Variants in NOP58 observed in about 807,000 individuals in gnomAD.
NOP58 encodes the protein NOP58 ribonucleoprotein, also known as nucleolar protein 58.
NOP58 carries 44 observed loss-of-function variants against 71.2 expected under a neutral mutation model. The ratio of observed to expected loss-of-function variants is 0.62; its 90% CI spans 0.49 to 0.79. The LOEUF is 0.79. NOP58 is among the 30% of genes least tolerant of loss of function. NOP58 has a pLI of 0.00. For synonymous variants in NOP58, 228 were observed against 200.3 expected (o/e 1.14, Z -1.17); for missense variants, 538 against 620.2 (o/e 0.87, Z 1.41).
intron 6 of NOP58, among the ~76,000 whole-genome samples, chr2:202,289,230 T>A (rs934700755): frequency 6.6e-6 from 1 of 152,214 alleles, no homozygotes; most frequent in Non-Finnish European, 1.5e-5. Context: ...ATAACAGTGT[T>A]ATTTACAAAA....
At chr2:202,287,357 C>T (rs1000136804) in intron 5 of NOP58, among the ~76,000 whole-genome samples, 27 of 152,036 alleles carry the variant, frequency 1.8e-4, no homozygotes, top group African/African-American at 6.0e-4. Flanking sequence ...TGAGCCACCA[C>T]GCCCAGTCCA....
chr2:202,302,829 T>C, intron 13 of NOP58, 92 bp from the exon 14 acceptor site: 2 of 1,489,834 alleles, frequency 1.3e-6, no homozygotes, highest in Non-Finnish European at 1.8e-6. Flanking sequence ...TTGATGAGAA[T>C]GACAGAAAAA....
At chr2:202,270,320 C>T (rs990908692) in intron 1 of NOP58, among the ~76,000 whole-genome samples, 2 of 152,120 alleles carry the variant, frequency 1.3e-5, no homozygotes, top group African/African-American at 4.8e-5. Flanking sequence ...TGAAGCTAAC[C>T]GAAGAGCTTT....
At chr2:202,283,671 C>T (rs13012978) in intron 4 of NOP58, among the ~76,000 whole-genome samples, 2,510 of 150,772 alleles carry the variant, frequency 0.017, 30 homozygotes, top group Non-Finnish European at 0.027. Flanking sequence ...GATCTATTGA[C>T]CTTGTGATCC....
chr2:202,285,958 G>T (rs1688778096), intron 5 of NOP58, among the ~76,000 whole-genome samples: 2 of 151,910 alleles, frequency 1.3e-5, no homozygotes, highest in Admixed American at 1.3e-4. Context: ...ACTTTGGGAG[G>T]CCAAGGCAGG....
chr2:202,292,196 G>A (rs1688914612), intron 8 of NOP58, among the ~76,000 whole-genome samples: 1 of 150,554 alleles, frequency 6.6e-6, no homozygotes, highest in African/African-American at 2.4e-5. Context: ...GTTTCACCAT[G>A]TTGGCCAGGA....
intron 10 of NOP58, among the ~76,000 whole-genome samples, chr2:202,296,410 C>T (rs1249919758): frequency 2.0e-5 from 3 of 152,108 alleles, no homozygotes; most frequent in African/African-American, 4.8e-5. Flanking sequence ...ACCATGTTGG[C>T]CAGGCTGGTC....
intron 8 of NOP58, chr2:202,291,530 G>A (rs192083908): frequency 4.0e-6 from 1 of 251,282 alleles, no homozygotes; most frequent in Admixed American, 5.2e-5. Context: ...GAGAAGGCCA[G>A]GCGCGTTGGC....
At chr2:202,292,649 G>A (rs1407936666) in intron 8 of NOP58, 128 bp from the exon 9 acceptor site, 8 of 697,316 alleles carry the variant, frequency 1.1e-5, no homozygotes, top group Non-Finnish European at 7.4e-6. Context: ...TTAGGCATAG[G>A]TGATGTACCC....
At chr2:202,297,723 TAAC>T in intron 11 of NOP58, 119 bp from the exon 12 acceptor site, 1 of 817,288 alleles carries the variant, frequency 1.2e-6, no homozygotes, top group Non-Finnish European at 1.9e-6. Context: ...CTATTCAAAA[TAAC>T]AAAACAAAAA....
Position 202,303,507 on chromosome 2 carries a change from A to T in NOP58, c.*71A>T. 2 of 1,548,680 alleles carry T rather than the reference A, an allele frequency of 1.3e-6. No individual in the cohort carries two copies. The highest frequency in any genetic ancestry group is 1.7e-6 in the Non-Finnish European group (2 of 1,146,104). On this transcript the variant is annotated 3_prime_UTR_variant, in exon 15 of 15. Transcript: ENST00000264279. ...AGATTCAACTGGGAGCATACCAGGG[A>T]TGCTCTCTAACGTAATCAAGGGAAG...
chr2:202,266,061 G>C (rs949879423), intron 1 of NOP58, 75 bp downstream of exon 1: 15 of 1,544,388 alleles, frequency 9.7e-6, no homozygotes, highest in Admixed American at 8.4e-5. Context: ...ACTTAAGCAC[G>C]GAACTACTCA....
chr2:202,269,866 A>G (rs1255095203), intron 1 of NOP58, among the ~76,000 whole-genome samples: 1 of 152,246 alleles, frequency 6.6e-6, no homozygotes, highest in Non-Finnish European at 1.5e-5. Context: ...GGTAGCCATT[A>G]GTACGTATAA....
At chr2:202,268,896 C>T (rs1379317041) in intron 1 of NOP58, among the ~76,000 whole-genome samples, 1 of 152,156 alleles carries the variant, frequency 6.6e-6, no homozygotes, top group African/African-American at 2.4e-5. Flanking sequence ...GCGTGAGCCA[C>T]TGCACCTGGC....
intron 6 of NOP58, among the ~76,000 whole-genome samples, chr2:202,287,940 G>A (rs1231388111): frequency 6.6e-6 from 1 of 151,964 alleles, no homozygotes; most frequent in Non-Finnish European, 1.5e-5. Context: ...ACAAAACTCT[G>A]TCTTTACTAA....
At chr2:202,295,653 T>C in intron 9 of NOP58, 21 bp from the exon 10 acceptor site, 2 of 1,542,942 alleles carry the variant, frequency 1.3e-6, no homozygotes, top group Non-Finnish European at 8.7e-7. Context: ...GTGCATTCTT[T>C]GTAACTTTTT....
At position 202,265,779 on chromosome 2, in the gene NOP58, G is replaced by A. The variant is rs987508976; in HGVS notation, c.-163G>A. 3 of 696,130 alleles carry A rather than the reference G, an allele frequency of 4.3e-6. No individual in the cohort carries two copies. The African/African-American group carries it at 5.3e-5, about 12-fold the overall frequency. 43.1% of individuals were successfully genotyped at this position (696,130 alleles called of 1,614,324 possible). ...TCGTGCGTCCTAGTTCCAGTACAGC[G>A]TGGAGGGTTTAGGCAGCGTGTTCTG... is the stretch of plus-strand genomic sequence containing the variant. On this transcript the variant is annotated 5_prime_UTR_variant, in exon 1 of 15. In the 5' UTR this introduces an upstream ATG that the reference lacks. Coordinates refer to ENST00000264279, the MANE Select transcript of NOP58 (RefSeq NM_015934.5).
Position 202,298,948 on chromosome 2 carries a change from C to T in NOP58, c.1268+1042C>T, listed in dbSNP as rs184888746. On this transcript the variant is annotated intron_variant, in intron 12 of 14. Coordinates refer to ENST00000264279, the MANE Select transcript of NOP58 (RefSeq NM_015934.5). ...TATACTTTCAGGAGTCATAATCCTT[C>T]AAGATTTTTTTTTTTTTTTTTTTTT... Among the ~76,000 whole-genome samples, 596 of 137,330 alleles carry T rather than the reference C, an allele frequency of 4.3e-3. 7 individuals are homozygous for T. The highest frequency in any genetic ancestry group is 0.015 in the African/African-American group (552 of 36,908). The allele number at this position is 137,330 out of a possible 152,430, so 90.1% of individuals were successfully genotyped here.
At chr2:202,295,033 C>T (rs1174278337) in intron 9 of NOP58, among the ~76,000 whole-genome samples, 2 of 151,656 alleles carry the variant, frequency 1.3e-5, no homozygotes, top group Non-Finnish European at 2.9e-5. Flanking sequence ...CACTGCAGTA[C>T]TGCACAACGG....
Sources: allele counts gnomAD v4.1 joint callset (sites outside exome capture counted in the v4.1 genomes callset), GRCh38; gene constraint gnomAD v4.1.1; transcripts MANE v1.5; gene names NCBI Gene and HGNC (gene_info 2026-07-23, HGNC 2026-07-21).